EPB41L4B: variants seen among roughly 807,000 people sequenced by gnomAD.
The protein encoded by EPB41L4B is erythrocyte membrane protein band 4.1 like 4B, also known as band 4.1-like protein 4B.
EPB41L4B carries 30 observed loss-of-function variants against 112.5 expected under a neutral mutation model. The ratio of observed to expected loss-of-function variants is 0.27; its 90% CI spans 0.20 to 0.36. The LOEUF is 0.36. Ranked by LOEUF, EPB41L4B falls within the 10% of genes least tolerant of loss-of-function variation. The pLI is 1.00. For synonymous variants in EPB41L4B, 408 were observed against 439.7 expected, an observed-to-expected ratio of 0.93 and a Z score of 0.90; for missense variants, 1,024 against 1,133.3, an observed-to-expected ratio of 0.90 and a Z score of 1.38.
intron 16 of EPB41L4B, among the ~76,000 whole-genome samples, chr9:109,216,674 A>G (rs990723259): frequency 9.9e-5 from 15 of 151,792 alleles, no homozygotes; most frequent in Non-Finnish European, 2.2e-4. Context: ...AAAAGAAAAA[A>G]AGAAAGGAGG....
intron 4 of EPB41L4B, among the ~76,000 whole-genome samples, 199 bp downstream of exon 4, chr9:109,267,274 T>C (rs187988419): frequency 6.6e-6 from 1 of 152,368 alleles, no homozygotes; most frequent in East Asian, 1.9e-4. Flanking sequence ...TTCTAATTTC[T>C]ATTCACTCAG....
At chr9:109,278,085 A>C (rs1835903599) in intron 2 of EPB41L4B, among the ~76,000 whole-genome samples, 1 of 152,202 alleles carries the variant, frequency 6.6e-6, no homozygotes, top group Non-Finnish European at 1.5e-5. Flanking sequence ...AAGGACAGTC[A>C]TGAGGTCAGA....
At chr9:109,305,662 C>G (rs1457412757) in intron 1 of EPB41L4B, among the ~76,000 whole-genome samples, 2 of 151,818 alleles carry the variant, frequency 1.3e-5, no homozygotes, top group African/African-American at 4.8e-5. Context: ...GTGGTTCACA[C>G]CTGTAATCCT....
At chr9:109,182,823 G>A (rs764894310) in intron 23 of EPB41L4B, 26 bp from the exon 24 acceptor site, 1 of 1,521,442 alleles carries the variant, frequency 6.6e-7, no homozygotes, top group East Asian at 2.2e-5. Flanking sequence ...AGACAAGGGG[G>A]TTACCTTCAG....
chr9:109,263,232 C>T, intron 5 of EPB41L4B, 130 bp from the exon 6 acceptor site: 1 of 670,068 alleles, frequency 1.5e-6, no homozygotes, highest in Non-Finnish European at 2.6e-6. Context: ...CATATTTTTG[C>T]TGTCTACATT....
At chr9:109,223,243 C>T (rs762711701) in intron 15 of EPB41L4B, among the ~76,000 whole-genome samples, 5 of 151,898 alleles carry the variant, frequency 3.3e-5, no homozygotes, top group African/African-American at 2.4e-5. Flanking sequence ...AGTTCGAGAC[C>T]GGGCAACATG....
chr9:109,236,855 C>T (rs955122452), intron 15 of EPB41L4B, among the ~76,000 whole-genome samples: 4 of 152,150 alleles, frequency 2.6e-5, no homozygotes, highest in African/African-American at 7.2e-5. Flanking sequence ...ATCTGTCCAC[C>T]GCCTCCTGTA....
chr9:109,259,123 C>T (rs1835100122), intron 6 of EPB41L4B, among the ~76,000 whole-genome samples: 1 of 152,174 alleles, frequency 6.6e-6, no homozygotes, highest in South Asian at 2.1e-4. Context: ...GTGGACCACA[C>T]ACCAATAGTA....
chr9:109,305,118 T>C (rs575236793), intron 1 of EPB41L4B, among the ~76,000 whole-genome samples: 1 of 149,862 alleles, frequency 6.7e-6, no homozygotes, highest in East Asian at 2.0e-4. Flanking sequence ...TAACATGTGC[T>C]AGGTCCCACC....
chr9:109,241,646 G>C (rs1834356609), intron 15 of EPB41L4B: 3 of 1,613,696 alleles, frequency 1.9e-6, no homozygotes, highest in Non-Finnish European at 2.5e-6. Flanking sequence ...GAATGGAAGA[G>C]AGATGCTTCA....
At chr9:109,275,330 C>T (rs1452726915) in intron 2 of EPB41L4B, among the ~76,000 whole-genome samples, 2 of 152,130 alleles carry the variant, frequency 1.3e-5, no homozygotes, top group Admixed American at 1.3e-4. Context: ...AATTATGGGG[C>T]AATAAGCCAA....
At chr9:109,211,686 C>G (rs1211718954) in intron 17 of EPB41L4B, among the ~76,000 whole-genome samples, 2 of 149,134 alleles carry the variant, frequency 1.3e-5, no homozygotes, top group African/African-American at 4.9e-5. Context: ...TCACATCACT[C>G]TAGCTTACTT....
At chr9:109,254,394 C>T (rs182217638) in intron 11 of EPB41L4B, among the ~76,000 whole-genome samples, 9 of 149,360 alleles carry the variant, frequency 6.0e-5, no homozygotes, top group Admixed American at 2.0e-4. Flanking sequence ...ACCCCGCCCC[C>T]GACCCCTTGG....
chr9:109,256,681 G>A (rs535906034), intron 7 of EPB41L4B, among the ~76,000 whole-genome samples: 4 of 152,338 alleles, frequency 2.6e-5, no homozygotes, highest in African/African-American at 9.6e-5. Context: ...AGTGACTCAC[G>A]CCTGTTATCC....
intron 25 of EPB41L4B, among the ~76,000 whole-genome samples, chr9:109,175,874 G>A (rs1831806665): frequency 6.6e-6 from 1 of 152,094 alleles, no homozygotes; most frequent in Non-Finnish European, 1.5e-5. Flanking sequence ...GCTTCCTCAG[G>A]AGCCTTAGCA....
chr9:109,239,735 AG>A, intron 15 of EPB41L4B: 2 of 809,572 alleles, frequency 2.5e-6, no homozygotes, highest in Non-Finnish European at 3.0e-6. Flanking sequence ...AGTTACTTTA[AG>A]CAGAGAGGTA....
chr9:109,252,351 C>T (rs1414579901), intron 12 of EPB41L4B, among the ~76,000 whole-genome samples: 3 of 152,206 alleles, frequency 2.0e-5, no homozygotes, highest in Non-Finnish European at 4.4e-5. Flanking sequence ...GAACAGAGAG[C>T]GTTCTGGCCC....
chr9:109,240,749 G>C (rs1254556959), intron 15 of EPB41L4B: 3 of 985,298 alleles, frequency 3.0e-6, no homozygotes, highest in Non-Finnish European at 3.6e-6. Context: ...AAATGATCTT[G>C]ATTGCACGTT....
At chr9:109,273,177 G>A (rs1025868836) in intron 2 of EPB41L4B, among the ~76,000 whole-genome samples, 6 of 152,022 alleles carry the variant, frequency 3.9e-5, no homozygotes, top group Non-Finnish European at 8.8e-5. Context: ...GTATTTGCAC[G>A]TGGGCAGGAA....
Sources: gnomAD v4.1 joint callset for allele counts (sites outside exome capture counted in the v4.1 genomes callset) on GRCh38, gnomAD v4.1.1 for gene constraint, MANE v1.5 for transcripts, NCBI Gene and HGNC (gene_info 2026-07-23, HGNC 2026-07-21) for gene names.